CHM: variants seen among roughly 807,000 people sequenced by gnomAD.
CHM encodes rab proteins geranylgeranyltransferase component A 1.
Under a neutral mutation model 49.0 loss-of-function variants are expected in CHM, and 10 were observed. The observed-to-expected ratio is 0.20, with a 90% CI of 0.13 to 0.35. The LOEUF (loss-of-function observed/expected upper bound fraction) is 0.35, where lower values mean the gene tolerates loss of function less well. Among genes scored for constraint, CHM ranks in the 10% least tolerant of loss-of-function variants. CHM has a pLI of 1.00. For missense variants in CHM, 455 were observed against 478.4 expected, an observed-to-expected ratio of 0.95 and a Z score of 0.46; for synonymous variants, 184 against 167.5, an observed-to-expected ratio of 1.10 and a Z score of -0.76.
intron 12 of CHM, among the ~76,000 whole-genome samples, chrX:85,883,136 C>T (rs773154705): frequency 1.8e-5 from 2 of 111,583 alleles, no homozygotes; most frequent in East Asian, 5.6e-4. Flanking sequence ...GGTAGGAAAT[C>T]TATTCCTCAA....
chrX:85,955,988 T>A (rs751120802), intron 8 of CHM, among the ~76,000 whole-genome samples, 165 bp downstream of exon 8: 3 of 112,325 alleles, frequency 2.7e-5, no homozygotes, highest in Non-Finnish European at 5.6e-5. Flanking sequence ...ATATATCACT[T>A]AGGTGGGTAG....
At chrX:85,916,965 T>G (rs1166433886) in intron 8 of CHM, among the ~76,000 whole-genome samples, 2 of 112,339 alleles carry the variant, frequency 1.8e-5, no homozygotes, top group African/African-American at 6.5e-5. Flanking sequence ...GGAATATAAA[T>G]CATTCTATTG....
intron 13 of CHM, 138 bp from the exon 14 acceptor site, chrX:85,873,350 A>C: frequency 4.4e-6 from 2 of 457,937 alleles, no homozygotes; most frequent in Middle Eastern, 6.3e-4. Context: ...CATTTAGTAA[A>C]TTTGCATCTA....
intron 2 of CHM, among the ~76,000 whole-genome samples, chrX:85,990,605 A>C (rs1376711667): frequency 8.9e-6 from 1 of 111,813 alleles, no homozygotes; most frequent in African/African-American, 3.2e-5. Context: ...CCCTCTCTTA[A>C]CACTAATCAA....
At chrX:85,915,111 G>A (rs1346549440) in intron 8 of CHM, among the ~76,000 whole-genome samples, 1 of 111,465 alleles carries the variant, frequency 9.0e-6, no homozygotes, top group Non-Finnish European at 1.9e-5. Context: ...AGACGAGAAA[G>A]AACCACCGTA....
At chrX:85,979,629 T>A (rs1303331011) in intron 3 of CHM, among the ~76,000 whole-genome samples, 1 of 111,048 alleles carries the variant, frequency 9.0e-6, no homozygotes, top group African/African-American at 3.3e-5. Context: ...CAAGGATCAA[T>A]TTTTAATCTG....
intron 13 of CHM, among the ~76,000 whole-genome samples, chrX:85,878,701 A>T (rs1004105098): frequency 1.8e-5 from 2 of 111,516 alleles, no homozygotes; most frequent in African/African-American, 6.5e-5. Flanking sequence ...TTTCTGTGTA[A>T]CTATACATAT....
rs1389720840 is a variant in CHM at position 86,047,474 on chromosome X, C to T, written c.49+10G>A. On this transcript the variant is annotated intron_variant, in intron 1 of 14. Transcript: ENST00000357749. The stretch of plus-strand genomic sequence containing the variant: ...TAAACTTTGTCCAGGAAGCACCAGG[C>T]TACACATACCCGTCCCTATTACGAT... The T allele has an allele frequency of 5.8e-6, 7 of 1,205,561 alleles. No individual in the cohort carries two copies. Among genetic ancestry groups the T allele is most frequent in the Non-Finnish European group, 7.9e-6 (7 of 890,094 alleles).
At chrX:86,042,853 T>C (rs1469062899) in intron 1 of CHM, among the ~76,000 whole-genome samples, 1 of 108,970 alleles carries the variant, frequency 9.2e-6, no homozygotes, top group Non-Finnish European at 1.9e-5. Flanking sequence ...AACCACCAGA[T>C]CCTGCAAGAA....
chrX:85,913,332 A>AAAAAGAAAGAAGAAAGAAAGAAAG (rs762266365), intron 8 of CHM, among the ~76,000 whole-genome samples: 1 of 23,419 alleles, frequency 4.3e-5, no homozygotes, highest in African/African-American at 1.4e-4. Flanking sequence ...AAAAAAAAAA[A>AAAAAGAAAGAAGAAAGAAAGAAAG]AAAGAAAGAA....
intron 2 of CHM, among the ~76,000 whole-genome samples, chrX:86,021,106 GTATA>G (rs1312573619): frequency 3.2e-4 from 15 of 46,249 alleles, no homozygotes; most frequent in Non-Finnish European, 5.4e-4. Context: ...ATATATATAC[GTATA>G]TATATGTGTA....
chrX:86,043,733 CT>C (rs112150895), intron 1 of CHM, among the ~76,000 whole-genome samples: 161 of 101,293 alleles, frequency 1.6e-3, no homozygotes, highest in Middle Eastern at 5.0e-3. Context: ...GCCAATGAAA[CT>C]TTTTTTTTTT....
chrX:85,966,127 A>G (rs1930566859), intron 4 of CHM, among the ~76,000 whole-genome samples: 1 of 111,192 alleles, frequency 9.0e-6, no homozygotes. Flanking sequence ...AGGTGGGTGG[A>G]TCACTTGAGG....
At chrX:86,033,116 T>A (rs982179784) in intron 1 of CHM, among the ~76,000 whole-genome samples, 4 of 111,735 alleles carry the variant, frequency 3.6e-5, no homozygotes, top group African/African-American at 1.3e-4. Context: ...ATGTCAAATC[T>A]CATCATTTAC....
intron 12 of CHM, among the ~76,000 whole-genome samples, chrX:85,882,871 A>G (rs886411453): frequency 2.7e-5 from 3 of 111,267 alleles, no homozygotes; most frequent in African/African-American, 9.8e-5. Flanking sequence ...CTATAGGATG[A>G]TTACGTGGGT....
At chrX:85,966,348 T>C (rs1212550023) in intron 4 of CHM, among the ~76,000 whole-genome samples, 1 of 67,128 alleles carries the variant, frequency 1.5e-5, no homozygotes, top group African/African-American at 5.3e-5. Context: ...AAACTCCGTC[T>C]AAAAAAAAAA....
At chrX:86,013,568 C>T (rs1368791181) in intron 2 of CHM, among the ~76,000 whole-genome samples, 2 of 109,770 alleles carry the variant, frequency 1.8e-5, no homozygotes, top group African/African-American at 3.3e-5. Flanking sequence ...AACCCCGTCT[C>T]TACTAAAAAT....
intron 5 of CHM, among the ~76,000 whole-genome samples, chrX:85,959,416 C>T (rs1487151844): frequency 9.1e-6 from 1 of 110,332 alleles, no homozygotes; most frequent in Non-Finnish European, 1.9e-5. Context: ...TACACCAGGC[C>T]CTGAGGGTTT....
chrX:86,032,349 G>A (rs1039363732), intron 1 of CHM, among the ~76,000 whole-genome samples: 1 of 111,611 alleles, frequency 9.0e-6, no homozygotes, highest in African/African-American at 3.3e-5. Flanking sequence ...CATCTCATAT[G>A]GGTGCAGGGA....
Sources: allele counts gnomAD v4.1 joint callset (sites outside exome capture counted in the v4.1 genomes callset), GRCh38; gene constraint gnomAD v4.1.1; transcripts MANE v1.5; gene names NCBI Gene and HGNC (gene_info 2026-07-23, HGNC 2026-07-21).